MBNL3: variants seen among roughly 807,000 people sequenced by gnomAD.
The protein encoded by MBNL3 is muscleblind like splicing regulator 3.
Under a neutral mutation model 24.5 loss-of-function variants are expected in MBNL3, and 6 were observed. The observed-to-expected ratio is 0.25, with a 90% CI of 0.13 to 0.48. MBNL3 has a LOEUF of 0.48. Ranked by LOEUF, MBNL3 falls within the 20% of genes least tolerant of loss-of-function variation. The pLI is 0.99. For missense variants in MBNL3, 230 were observed against 293.5 expected, an observed-to-expected ratio of 0.78 and a Z score of 1.58; for synonymous variants, 100 against 101.7, an observed-to-expected ratio of 0.98 and a Z score of 0.10.
intron 2 of MBNL3, among the ~76,000 whole-genome samples, chrX:132,438,392 C>G (rs1945228664): frequency 9.0e-6 from 1 of 110,985 alleles, no homozygotes; most frequent in Non-Finnish European, 1.9e-5. Context: ...CCTGAGGAAA[C>G]CATCACACGA....
At chrX:132,473,110 C>T (rs1378894339) in intron 1 of MBNL3, among the ~76,000 whole-genome samples, 1 of 111,950 alleles carries the variant, frequency 8.9e-6, no homozygotes, top group Non-Finnish European at 1.9e-5. Context: ...ACTTGCCTTC[C>T]TTTGCAATCC....
intron 5 of MBNL3, among the ~76,000 whole-genome samples, chrX:132,388,148 A>G (rs988174874): frequency 9.0e-6 from 1 of 111,416 alleles, no homozygotes; most frequent in Non-Finnish European, 1.9e-5. Context: ...AGGTATCTCT[A>G]TTTTCTTTTG....
At chrX:132,463,290 C>A (rs1946722208) in intron 1 of MBNL3, among the ~76,000 whole-genome samples, 1 of 111,037 alleles carries the variant, frequency 9.0e-6, no homozygotes, top group African/African-American at 3.3e-5. Flanking sequence ...GGTGAAACCC[C>A]GTCTCTACTA....
intron 2 of MBNL3, chrX:132,411,540 A>G: frequency 4.9e-6 from 2 of 406,303 alleles, no homozygotes; most frequent in South Asian, 2.5e-4. Flanking sequence ...ACTTGTCCTA[A>G]TTCATAAGCA....
intron 1 of MBNL3, among the ~76,000 whole-genome samples, chrX:132,443,984 T>A (rs1945534363): frequency 3.3e-4 from 2 of 6,147 alleles, no homozygotes; most frequent in African/African-American, 6.1e-4. Flanking sequence ...GACTCCAGAG[T>A]CCGCCCCCCC....
chrX:132,438,780 A>C (rs1011525426), intron 2 of MBNL3, among the ~76,000 whole-genome samples: 1 of 105,184 alleles, frequency 9.5e-6, no homozygotes, highest in African/African-American at 3.5e-5. Context: ...TGACCTTAGT[A>C]ATAGGACTTT....
intron 2 of MBNL3, among the ~76,000 whole-genome samples, chrX:132,421,968 C>A (rs1377954536): frequency 9.0e-6 from 1 of 111,471 alleles, no homozygotes; most frequent in Non-Finnish European, 1.9e-5. Flanking sequence ...TTTTAAATAT[C>A]ATTTAAATAA....
chrX:132,412,869 C>T (rs1183557791), intron 2 of MBNL3, among the ~76,000 whole-genome samples: 1 of 112,357 alleles, frequency 8.9e-6, no homozygotes, highest in Admixed American at 9.4e-5. Context: ...CCAAACACAA[C>T]GAAGCACATT....
rs766946828 is a variant in MBNL3 at position 132,397,551 on chromosome X, G to T, written c.343-5217C>A. The stretch of plus-strand genomic sequence containing the variant: ...GAATGACTAGATATTTTCTTTTACA[G>T]AAGGGTAAACATTTGGTAACAATTT... On this transcript the variant is annotated intron_variant, in intron 3 of 8. Coordinates refer to ENST00000370853, the MANE Select transcript of MBNL3 (RefSeq NM_001386889.1). Among the ~76,000 whole-genome samples, 91 of 111,265 alleles carry T rather than the reference G, an allele frequency of 8.2e-4. 2 individuals carry two copies. Among genetic ancestry groups the T allele is most frequent in the African/African-American group, 2.9e-3 (88 of 30,727 alleles).
chrX:132,378,447 C>T lies in MBNL3; in HGVS notation c.*1219G>A, dbSNP rs997590221. 4 of 111,699 alleles carry T rather than the reference C, an allele frequency of 3.6e-5. No homozygotes were observed. In the Admixed American group the frequency reaches 3.8e-4, roughly 11 times the overall value. 9.2% of individuals were successfully genotyped at this position (111,699 alleles called of 1,213,427 possible). ...CTCATTTGCAACCAATTCTCTTTCA[C>T]CCTGACTGACTTTTGCTAGATTGCA... is the stretch of plus-strand genomic sequence containing the variant. On this transcript the variant is annotated 3_prime_UTR_variant, in exon 9 of 9. Transcript: ENST00000370853.
At chrX:132,420,916 C>T (rs995159701) in intron 2 of MBNL3, among the ~76,000 whole-genome samples, 1 of 112,227 alleles carries the variant, frequency 8.9e-6, no homozygotes, top group African/African-American at 3.2e-5. Context: ...TATGAATCAA[C>T]TGTTTCGGAA....
At chrX:132,397,324 C>T (rs975258503) in intron 3 of MBNL3, among the ~76,000 whole-genome samples, 1 of 110,825 alleles carries the variant, frequency 9.0e-6, no homozygotes. Flanking sequence ...ATTTCTCAAG[C>T]TAGTATAAAT....
intron 1 of MBNL3, among the ~76,000 whole-genome samples, chrX:132,462,733 G>C (rs1240605030): frequency 9.0e-6 from 1 of 110,984 alleles, no homozygotes; most frequent in Non-Finnish European, 1.9e-5. Context: ...TTTGGACATA[G>C]GTGTGGAATC....
intron 5 of MBNL3, among the ~76,000 whole-genome samples, chrX:132,390,273 A>C (rs1457205567): frequency 2.9e-4 from 30 of 102,606 alleles, no homozygotes; most frequent in African/African-American, 7.0e-4. Context: ...AACAAAAAAA[A>C]AAAAAAAAAA....
At chrX:132,391,141 G>A in intron 4 of MBNL3, 58 bp from the exon 5 acceptor site, 1 of 911,435 alleles carries the variant, frequency 1.1e-6, no homozygotes, top group Non-Finnish European at 1.6e-6. Flanking sequence ...AAGCTGACTG[G>A]CTTTTATTTA....
chrX:132,386,534 C>CTTGT, intron 6 of MBNL3, 127 bp downstream of exon 6: 3 of 754,411 alleles, frequency 4.0e-6, no homozygotes, highest in Non-Finnish European at 5.5e-6. Context: ...GCATAACTTC[C>CTTGT]TTGTTTTATT....
At chrX:132,472,583 CACTT>C (rs746411169) in intron 1 of MBNL3, among the ~76,000 whole-genome samples, 13 of 112,004 alleles carry the variant, frequency 1.2e-4, no homozygotes, top group Non-Finnish European at 2.3e-4. Context: ...TCTCATCACT[CACTT>C]GTGTCTTCCT....
rs1256290431 is a variant in MBNL3, at chrX:132,396,426, A to T, written c.343-4092T>A. The stretch of plus-strand genomic sequence containing the variant: ...TATTCATATATATTCCTATATATAT[A>T]TTCCTATATATATTCATATATATTC... On this transcript the variant is annotated intron_variant, in intron 3 of 8. Coordinates refer to ENST00000370853, the MANE Select transcript of MBNL3 (RefSeq NM_001386889.1). Among the ~76,000 whole-genome samples, 6 of 83,417 alleles carry T rather than the reference A, an allele frequency of 7.2e-5. No individual in the cohort carries two copies. The East Asian group carries it at 2.1e-3, about 29-fold the overall frequency. 72.4% of individuals were successfully genotyped at this position (83,417 alleles called of 115,157 possible).
intron 1 of MBNL3, among the ~76,000 whole-genome samples, chrX:132,462,130 G>T (rs1406822766): frequency 1.8e-5 from 2 of 111,971 alleles, no homozygotes; most frequent in Non-Finnish European, 3.8e-5. Context: ...CAAGAGCTCA[G>T]TTCTGATAAC....
Sources: gnomAD v4.1 joint callset for allele counts (sites outside exome capture counted in the v4.1 genomes callset) on GRCh38, gnomAD v4.1.1 for gene constraint, MANE v1.5 for transcripts, NCBI Gene and HGNC (gene_info 2026-07-23, HGNC 2026-07-21) for gene names.